TSPAN9: variants seen among roughly 807,000 people sequenced by gnomAD.
TSPAN9 encodes tetraspanin 9, also known as tetraspanin-9.
Under a neutral mutation model 31.0 loss-of-function variants are expected in TSPAN9, and 16 were observed. The ratio of observed to expected loss-of-function variants is 0.52; its 90% confidence interval spans 0.35 to 0.78. The LOEUF is 0.78. Among genes scored for constraint, TSPAN9 ranks in the 30% least tolerant of loss-of-function variants. The pLI, the probability that TSPAN9 is intolerant of heterozygous loss-of-function variation, is 0.01. For missense variants in TSPAN9, 272 were observed against 312.5 expected (o/e 0.87, Z 0.98); for synonymous variants, 145 against 121.6 (o/e 1.19, Z -1.27).
intron 2 of TSPAN9, among the ~76,000 whole-genome samples, chr12:3,181,589 G>A (rs114776822): frequency 0.01 from 1,532 of 152,228 alleles, 27 homozygotes; most frequent in African/African-American, 0.035. Context: ...TTGGACATAA[G>A]TAACACCTAA....
At chr12:3,233,002 C>T (rs926059805) in intron 3 of TSPAN9, among the ~76,000 whole-genome samples, 4 of 152,230 alleles carry the variant, frequency 2.6e-5, no homozygotes, top group Admixed American at 2.0e-4. Context: ...TCACCTCTGT[C>T]TACATACTCT....
At chr12:3,275,173 G>A (rs544544656) in intron 3 of TSPAN9, among the ~76,000 whole-genome samples, 148 of 152,316 alleles carry the variant, frequency 9.7e-4, no homozygotes, top group Non-Finnish European at 1.9e-3. Flanking sequence ...GTTTTCCTAG[G>A]TAGAGGTACC....
In TSPAN9 at chr12:3,170,388, A is replaced by G. The variant is rs751459420; in HGVS notation, c.-17-30789A>G. 6.6e-6 allele frequency among the ~76,000 whole-genome samples: 1 copy of G among 152,234 alleles called. No individual in the cohort carries two copies. Among genetic ancestry groups the G allele is most frequent in the Non-Finnish European group, 1.5e-5 (1 of 68,048 alleles). Reference sequence around the variant, plus strand: ...AATCTACGGCTAGCTTGCTCCAGATAGCATGTAGCATAGGATTCCACATGT... The same window carrying G: ...AATCTACGGCTAGCTTGCTCCAGATGGCATGTAGCATAGGATTCCACATGT... On this transcript the variant is annotated intron_variant, in intron 2 of 8. Coordinates refer to ENST00000011898, the MANE Select transcript of TSPAN9 (RefSeq NM_006675.5). This position sits in a 1 kb window ranked among gnomAD's most constrained non-coding sequence, Gnocchi z 4.4.
intron 3 of TSPAN9, among the ~76,000 whole-genome samples, chr12:3,230,850 C>G (rs1415603706): frequency 2.0e-5 from 3 of 152,160 alleles, no homozygotes; most frequent in Admixed American, 1.3e-4. Flanking sequence ...CCTCGGCCCC[C>G]CTGGAGACCC....
At chr12:3,095,360 T>G (rs1013770177) in intron 2 of TSPAN9, among the ~76,000 whole-genome samples, 1 of 148,828 alleles carries the variant, frequency 6.7e-6, no homozygotes, top group African/African-American at 2.5e-5. Flanking sequence ...ATTGTCATCC[T>G]GGCCCGTTCT....
At chr12:3,258,927 G>A (rs10491967) in intron 3 of TSPAN9, among the ~76,000 whole-genome samples, 31,671 of 152,116 alleles carry the variant, frequency 0.21, 4,829 homozygotes, top group East Asian at 0.47. Context: ...GAGATGAGAT[G>A]GCTGATACCC....
rs541872672 is a variant in TSPAN9, at chr12:3,125,021, C to G, written c.-18+41302C>G. The stretch of plus-strand genomic sequence containing the variant: ...GAGGCTGCAGTGAGCTATGATCATG[C>G]CATTGTGCTTTAGCCTGGGTGACAG... On this transcript the variant is annotated intron_variant, in intron 2 of 8. Transcript: ENST00000011898. 5 of 152,194 alleles carry G rather than the reference C, an allele frequency of 3.3e-5. No individual in the cohort carries two copies. In the East Asian group the frequency reaches 9.7e-4, roughly 29 times the overall value. The allele number at this position is 152,194 out of a possible 1,614,324, so 9.4% of individuals were successfully genotyped here.
intron 2 of TSPAN9, among the ~76,000 whole-genome samples, chr12:3,165,368 G>C (rs1411218893): frequency 3.3e-5 from 5 of 152,146 alleles, no homozygotes; most frequent in Non-Finnish European, 7.4e-5. Context: ...CAGGAATCAG[G>C]GTTCATTTGC....
At chr12:3,157,906 CT>C (rs2098343081) in intron 2 of TSPAN9, among the ~76,000 whole-genome samples, 1 of 152,230 alleles carries the variant, frequency 6.6e-6, no homozygotes, top group Non-Finnish European at 1.5e-5. Context: ...ACAGCACCCC[CT>C]GATTAAGACG....
chr12:3,218,313 G>C (rs1317102085), intron 3 of TSPAN9, among the ~76,000 whole-genome samples: 2 of 152,222 alleles, frequency 1.3e-5, no homozygotes, highest in African/African-American at 4.8e-5. Context: ...TCACAGCTGA[G>C]GTCAGGGAGG....
chr12:3,263,677 A>G (rs1223823103), intron 3 of TSPAN9, among the ~76,000 whole-genome samples: 1 of 152,056 alleles, frequency 6.6e-6, no homozygotes, highest in Non-Finnish European at 1.5e-5. Flanking sequence ...GATACTAGGG[A>G]ATTGTGCAGA....
intron 2 of TSPAN9, among the ~76,000 whole-genome samples, chr12:3,197,446 A>G (rs1482032154): frequency 6.6e-6 from 1 of 152,186 alleles, no homozygotes; most frequent in African/African-American, 2.4e-5. Flanking sequence ...ACCCAGAGAG[A>G]GTAGCTGCTG....
At chr12:3,177,881 C>T (rs1476328256) in intron 2 of TSPAN9, among the ~76,000 whole-genome samples, 1 of 152,216 alleles carries the variant, frequency 6.6e-6, no homozygotes, top group African/African-American at 2.4e-5. Flanking sequence ...TCAAGAAGGA[C>T]AGGCGGGTGA....
Position 3,269,153 on chromosome 12 carries a change from C to T in TSPAN9, c.64-9268C>T. Among the ~76,000 whole-genome samples the T allele has an allele frequency of 1.8e-5, 2 of 109,428 alleles. 1 individual carries two copies. The highest frequency in any genetic ancestry group is 3.8e-5 in the Non-Finnish European group (2 of 52,142). The allele number at this position is 109,428 out of a possible 152,430, so 71.8% of individuals were successfully genotyped here. A position where few individuals can be genotyped will look rare whatever the true frequency, so the allele number is the denominator to read the frequency against. ...CCCTCTGTGCGTTCCTGCAGCTTGC[C>T]CTCTGTGCGTTCCTGCAGCCTGCCC... On this transcript the variant is annotated intron_variant, in intron 3 of 8. Coordinates refer to ENST00000011898, the MANE Select transcript of TSPAN9 (RefSeq NM_006675.5).
intron 2 of TSPAN9, among the ~76,000 whole-genome samples, chr12:3,153,647 A>T (rs2098340902): frequency 6.6e-6 from 1 of 152,238 alleles, no homozygotes; most frequent in Admixed American, 6.5e-5. Context: ...TTACCTAAAT[A>T]GTAGAAACTG....
chr12:3,103,834 G>T (rs1462779210), intron 2 of TSPAN9, among the ~76,000 whole-genome samples: 2 of 152,170 alleles, frequency 1.3e-5, no homozygotes, highest in Non-Finnish European at 2.9e-5. Context: ...ACTGCTCCCG[G>T]CTCTGGGGCT....
In TSPAN9 at chr12:3,281,774, A is replaced by C; in HGVS notation, c.605A>C (p.Lys202Thr). The change falls in exon 8 of 9, where the codon AAG (lysine) becomes ACG (threonine). Residue 202 changes from lysine (K) to threonine (T), a missense_variant. Physicochemically the swap from Lys to Thr is moderately conservative, Grantham distance 78. Coordinates refer to ENST00000011898, the MANE Select transcript of TSPAN9 (RefSeq NM_006675.5). ...GTGAAGATGTGGTTCGATGACAATA[A>C]GCACGTGCTGGGCACGGTGGGGATG... ...EKVKMWFDDN[K>T]HVLGTVGMCI... 1 of 1,614,162 alleles carries C rather than the reference A, an allele frequency of 6.2e-7. No homozygotes were observed. Among genetic ancestry groups the C allele is most frequent in the Non-Finnish European group, 8.5e-7 (1 of 1,180,006 alleles).
chr12:3,177,885 C>T (rs142876663), intron 2 of TSPAN9, among the ~76,000 whole-genome samples: 22 of 152,294 alleles, frequency 1.4e-4, no homozygotes, highest in African/African-American at 3.4e-4. Context: ...GAAGGACAGG[C>T]GGGTGACGGC....
chr12:3,171,280 A>C (rs2098351705), intron 2 of TSPAN9, among the ~76,000 whole-genome samples: 1 of 152,110 alleles, frequency 6.6e-6, no homozygotes, highest in Admixed American at 6.6e-5. Context: ...TGCAAGCTAT[A>C]GGAGGGCTTG....
Sources: gnomAD v4.1 joint callset for allele counts (sites outside exome capture counted in the v4.1 genomes callset) on GRCh38, gnomAD v4.1.1 for gene constraint, Gnocchi (gnomAD v3.1) non-coding constraint, MANE v1.5 for transcripts, NCBI Gene and HGNC (gene_info 2026-07-23, HGNC 2026-07-21) for gene names.